Variants in GPD2 observed in about 807,000 individuals in gnomAD.
GPD2 encodes glycerol-3-phosphate dehydrogenase, mitochondrial.
GPD2 carries 54 observed loss-of-function variants against 82.4 expected under a neutral mutation model. The observed-to-expected ratio is 0.66, with a 90% CI of 0.53 to 0.82. The LOEUF (loss-of-function observed/expected upper bound fraction) is 0.82. GPD2 is among the 40% of genes least tolerant of loss of function. The pLI is 0.00. For synonymous variants in GPD2, 288 were observed against 306.1 expected, an observed-to-expected ratio of 0.94 and a Z score of 0.62; for missense variants, 748 against 896.2, an observed-to-expected ratio of 0.83 and a Z score of 2.11.
chr2:156,469,446 T>C (rs2105189615), intron 1 of GPD2, among the ~76,000 whole-genome samples: 1 of 152,334 alleles, frequency 6.6e-6, no homozygotes, highest in Non-Finnish European at 1.5e-5. Context: ...ATTACAGGTG[T>C]GAGCCACTGT....
At chr2:156,425,403 A>G in the GPD2 span, among the ~76,000 whole-genome samples, 3 of 152,182 alleles carry the variant, frequency 2.0e-5, no homozygotes, top group African/African-American at 7.2e-5. Context: ...TCAAGCCGTT[A>G]TTCAATTAAA....
At chr2:156,495,766 A>T (rs1684347533) in intron 2 of GPD2, 1 of 437,540 alleles carries the variant, frequency 2.3e-6, no homozygotes, top group African/African-American at 2.0e-5. Flanking sequence ...CAGTGTTGTG[A>T]ATAATTGAAC....
the GPD2 span, among the ~76,000 whole-genome samples, chr2:156,405,664 C>T: frequency 3.3e-5 from 5 of 152,140 alleles, no homozygotes; most frequent in Admixed American, 6.6e-5. Flanking sequence ...TCATTATCCA[C>T]GTGATCAAGC....
intron 3 of GPD2, among the ~76,000 whole-genome samples, chr2:156,504,210 C>G (rs1684701667): frequency 1.3e-5 from 2 of 151,982 alleles, no homozygotes; most frequent in Admixed American, 1.3e-4. Flanking sequence ...GTATCGTGAT[C>G]GTGAGGATTA....
chr2:156,529,520 A>C (rs1200349554), intron 6 of GPD2, among the ~76,000 whole-genome samples: 1 of 151,424 alleles, frequency 6.6e-6, no homozygotes, highest in Non-Finnish European at 1.5e-5. Flanking sequence ...GCCCATGCCT[A>C]TGTCCTGAAT....
intron 8 of GPD2, 42 bp downstream of exon 8, chr2:156,550,788 G>T (rs1278848291): frequency 2.6e-6 from 4 of 1,538,706 alleles, no homozygotes; most frequent in Non-Finnish European, 3.6e-6. Flanking sequence ...CAAAAAAGAG[G>T]GTCAGCAGAG....
chr2:156,496,819 A>G (rs968854655), intron 3 of GPD2, among the ~76,000 whole-genome samples: 14 of 151,766 alleles, frequency 9.2e-5, no homozygotes, highest in Middle Eastern at 3.2e-3. Context: ...AAGCTGAAGT[A>G]ATTTATTAAA....
chr2:156,511,464 T>C (rs1684995019), intron 4 of GPD2, among the ~76,000 whole-genome samples: 1 of 152,226 alleles, frequency 6.6e-6, no homozygotes, highest in South Asian at 2.1e-4. Context: ...AAAAATCAGC[T>C]GAACTTCCTA....
At chr2:156,443,867 A>C (rs555542448) in intron 1 of GPD2, among the ~76,000 whole-genome samples, 1 of 152,218 alleles carries the variant, frequency 6.6e-6, no homozygotes, top group East Asian at 1.9e-4. Flanking sequence ...ATGAATTCCT[A>C]ACAAGATGAC....
intron 9 of GPD2, among the ~76,000 whole-genome samples, chr2:156,560,546 T>C (rs1185343229): frequency 1.3e-5 from 2 of 152,216 alleles, no homozygotes; most frequent in Non-Finnish European, 2.9e-5. Flanking sequence ...GTGCGGCACC[T>C]GTCACAACTT....
At chr2:156,560,896 C>T (rs992647511) in intron 9 of GPD2, among the ~76,000 whole-genome samples, 2 of 151,892 alleles carry the variant, frequency 1.3e-5, no homozygotes, top group Non-Finnish European at 2.9e-5. Flanking sequence ...TAAAAACTTC[C>T]TATTATTGAG....
chr2:156,419,559 C>T, the GPD2 span, among the ~76,000 whole-genome samples: 1 of 152,188 alleles, frequency 6.6e-6, no homozygotes, highest in South Asian at 2.1e-4. Flanking sequence ...ACTGATAGGT[C>T]TCATTGGGAT....
At chr2:156,554,933 G>A (rs370804189) in intron 8 of GPD2, among the ~76,000 whole-genome samples, 1 of 152,272 alleles carries the variant, frequency 6.6e-6, no homozygotes, top group East Asian at 1.9e-4. Context: ...TTTAATCCTA[G>A]ACACACACAT....
intron 11 of GPD2, 45 bp from the exon 12 acceptor site, chr2:156,570,042 T>C (rs1687555777): frequency 6.3e-7 from 1 of 1,577,334 alleles, no homozygotes. Context: ...GCCTAGAAGC[T>C]ATTGATATTC....
the GPD2 span, among the ~76,000 whole-genome samples, chr2:156,406,537 C>G: frequency 6.6e-6 from 1 of 152,148 alleles, no homozygotes; most frequent in Non-Finnish European, 1.5e-5. Flanking sequence ...ATCCTGCATG[C>G]TGCTACCAAT....
intron 6 of GPD2, among the ~76,000 whole-genome samples, chr2:156,533,865 G>A (rs1363874881): frequency 6.6e-6 from 1 of 152,226 alleles, no homozygotes; most frequent in East Asian, 1.9e-4. Context: ...AGGAGCCAGG[G>A]TGAGCGCTTT....
At chr2:156,582,669 T>C in intron 16 of GPD2, 124 bp from the exon 17 acceptor site, 1 of 1,004,290 alleles carries the variant, frequency 1.0e-6, no homozygotes, top group Non-Finnish European at 1.6e-6. Context: ...GCTGTAGTAC[T>C]TGTTAAGGTT....
rs543777332 is a variant in GPD2 at position 156,449,737 on chromosome 2, G to T, written c.-9+13224G>T. Among the ~76,000 whole-genome samples the T allele has an allele frequency of 5.7e-4, 86 of 152,094 alleles. 1 individual carries two copies. Among genetic ancestry groups the T allele is most frequent in the African/African-American group, 2.1e-3 (86 of 41,494 alleles). The stretch of plus-strand genomic sequence containing the variant: ...AAAGATAGAAAAAAGTGGCCTGGGC[G>T]TGGTGGCTTATGCCTGTAATCCCAG... On this transcript the variant is annotated intron_variant, in intron 1 of 16. Transcript: ENST00000438166.
chr2:156,403,791 G>A, the GPD2 span, among the ~76,000 whole-genome samples: 1 of 152,236 alleles, frequency 6.6e-6, no homozygotes, highest in South Asian at 2.1e-4. Context: ...TGTAAAACAG[G>A]TCTCGTCAAA....
Sources: allele counts gnomAD v4.1 joint callset (sites outside exome capture counted in the v4.1 genomes callset), GRCh38; gene constraint gnomAD v4.1.1; transcripts MANE v1.5; gene names NCBI Gene and HGNC (gene_info 2026-07-23, HGNC 2026-07-21).